Variants in GDI2 observed in about 807,000 individuals in gnomAD.
GDI2 encodes the protein rab GDP dissociation inhibitor beta.
A neutral mutation model predicts 54.2 loss-of-function variants in GDI2; 22 were observed. The observed-to-expected ratio is 0.41, with a 90% confidence interval of 0.29 to 0.58. The LOEUF (loss-of-function observed/expected upper bound fraction) is 0.58. GDI2 is among the 20% of genes least tolerant of loss of function. GDI2 has a pLI of 0.35. For synonymous variants in GDI2, 177 were observed against 182.1 expected (o/e 0.97, Z 0.23); for missense variants, 422 against 546.0 (o/e 0.77, Z 2.26).
chr10:5,796,810 C>A lies in GDI2; in HGVS notation c.206G>T (p.Gly69Val). 1 of 1,595,426 alleles carries A rather than the reference C, an allele frequency of 6.3e-7. No individual in the cohort carries two copies. Among genetic ancestry groups the A allele is most frequent in the Non-Finnish European group, 8.6e-7 (1 of 1,163,492 alleles). Residue 69 changes from glycine (G) to valine (V), a missense_variant, in exon 3 of 11, where the codon GGA (glycine) becomes GTA (valine). Gly to Val is a moderately radical substitution (Grantham distance 109, BLOSUM62 -3). Coordinates refer to ENST00000380191, the MANE Select transcript of GDI2 (RefSeq NM_001494.4). ...AATCAAGTCAACATTCCAGTCTCTT[C>A]CTCTCCCCATTGACTCGGGTGGTGA... ...PGSPPESMGR[G>V]RDWNVDLIPK...
In GDI2 at chr10:5,766,226, C is replaced by T. The variant is rs757573031; in HGVS notation, c.1191+15G>A. ...AGTGAAACCTGCCCATATCCTTTCACACTTCCATACTCACCTGGCTTTCTG... is the reference window on the plus strand; with the variant it reads ...AGTGAAACCTGCCCATATCCTTTCATACTTCCATACTCACCTGGCTTTCTG... On this transcript the variant is annotated intron_variant, in intron 10 of 10. Coordinates refer to ENST00000380191, the MANE Select transcript of GDI2 (RefSeq NM_001494.4). The surrounding 1 kb of genome is among the most constrained non-coding windows in gnomAD (Gnocchi z 5.8). The T allele has an allele frequency of 3.1e-6, 5 of 1,612,402 alleles. No homozygotes were observed. The South Asian group carries it at 5.5e-5, about 18-fold the overall frequency.
chr10:5,804,386 G>C (rs867214712), intron 1 of GDI2, among the ~76,000 whole-genome samples: 1 of 152,002 alleles, frequency 6.6e-6, no homozygotes, highest in Non-Finnish European at 1.5e-5. Context: ...GAACCACTAC[G>C]CCCAGCCTGA....
chr10:5,785,258 CG>C lies in GDI2; in HGVS notation c.602del (p.Pro201ArgfsTer41). ...TAATTCTATTAATGGTTTCATAACA[CG>C]GTTGATCTAAGTAACTGGAAGAAAG... ...LYRTDDYLDQ[P>X]CYETINRIKL... On this transcript the variant is annotated frameshift_variant, in exon 6 of 11. Transcript: ENST00000380191. LOFTEE classifies it high-confidence loss of function. The C allele has an allele frequency of 6.3e-7, 1 of 1,597,740 alleles. No individual in the cohort carries two copies. Among genetic ancestry groups the C allele is most frequent in the Non-Finnish European group, 8.6e-7 (1 of 1,167,260 alleles).
chr10:5,801,897 G>C (rs911681759), intron 1 of GDI2, among the ~76,000 whole-genome samples: 2 of 150,690 alleles, frequency 1.3e-5, no homozygotes, highest in African/African-American at 4.9e-5. Context: ...TGTAATTCCA[G>C]CAACTCAGGA....
chr10:5,813,432 A>C lies in GDI2; in HGVS notation c.-174T>G. On this transcript the variant is annotated 5_prime_UTR_variant, in exon 1 of 11. Coordinates refer to ENST00000380191, the MANE Select transcript of GDI2 (RefSeq NM_001494.4). Reference sequence around the variant, plus strand: ...CGCCACCTCAGACGGGAAGAGAAGAACTGGGCGGGGAGAGGAGGGGAGGGA... The same window carrying C: ...CGCCACCTCAGACGGGAAGAGAAGACCTGGGCGGGGAGAGGAGGGGAGGGA... 1.3e-4 allele frequency: 39 copies of C among 302,192 alleles called. No individual in the cohort carries two copies. The highest frequency in any genetic ancestry group is 3.5e-4 in the East Asian group (3 of 8,458). The allele number at this position is 302,192 out of a possible 1,614,324, so 18.7% of individuals were successfully genotyped here. A position where few individuals can be genotyped will look rare whatever the true frequency, so the allele number is the denominator to read the frequency against.
intron 7 of GDI2, among the ~76,000 whole-genome samples, chr10:5,770,070 C>A (rs1407676628): frequency 6.6e-6 from 1 of 152,204 alleles, no homozygotes; most frequent in Admixed American, 6.5e-5. Flanking sequence ...AATTCTGACA[C>A]ATGCTACAAC....
chr10:5,786,086 C>A (rs764972291), intron 4 of GDI2, 36 bp from the exon 5 acceptor site: 1 of 1,386,434 alleles, frequency 7.2e-7, no homozygotes, highest in Non-Finnish European at 1.0e-6. Flanking sequence ...AGCACACTCA[C>A]AATCAGACAT....
intron 6 of GDI2, among the ~76,000 whole-genome samples, chr10:5,780,202 G>A (rs1291103806): frequency 4.2e-5 from 6 of 143,318 alleles, no homozygotes; most frequent in Non-Finnish European, 7.6e-5. Context: ...GAGTAAGATC[G>A]TGTCTCCAAA....
chr10:5,785,564 G>T (rs1269241968), intron 5 of GDI2, among the ~76,000 whole-genome samples: 1 of 151,880 alleles, frequency 6.6e-6, no homozygotes, highest in Non-Finnish European at 1.5e-5. Flanking sequence ...TTAGTAGAGA[G>T]GGGGTTTCAC....
In GDI2 at chr10:5,766,419, A is replaced by T. The variant is rs1840335589; in HGVS notation, c.1136+75T>A. The T allele has an allele frequency of 6.4e-7, 1 of 1,557,786 alleles. No individual in the cohort carries two copies. ...GCCAGCAGCTACCTGCCTTGCCCTC[A>T]CATTCGTCCCACCATGGAGCCACAA... is the stretch of plus-strand genomic sequence containing the variant. On this transcript the variant is annotated intron_variant, in intron 9 of 10. Coordinates refer to ENST00000380191, the MANE Select transcript of GDI2 (RefSeq NM_001494.4). The surrounding 1 kb of genome is among the most constrained non-coding windows in gnomAD (Gnocchi z 5.8).
chr10:5,786,910 G>A (rs1372682255), intron 4 of GDI2, among the ~76,000 whole-genome samples: 1 of 152,090 alleles, frequency 6.6e-6, no homozygotes, highest in African/African-American at 2.4e-5. Context: ...CAACCAATTC[G>A]CTGCATTTTA....
rs2131686331 is a variant in GDI2 at position 5,774,962 on chromosome 10, C to T, written c.720-1021G>A. 6.6e-6 allele frequency among the ~76,000 whole-genome samples: 1 copy of T among 152,258 alleles called. No individual in the cohort carries two copies. Among genetic ancestry groups the T allele is most frequent in the Non-Finnish European group, 1.5e-5 (1 of 68,026 alleles). ...CAGTAATAGCTATATTAGTCTAATC[C>T]TCTGGCATATAAATAAAACTATGGA... On this transcript the variant is annotated intron_variant, in intron 6 of 10. Coordinates refer to ENST00000380191, the MANE Select transcript of GDI2 (RefSeq NM_001494.4). This position sits in a 1 kb window ranked among gnomAD's most constrained non-coding sequence, Gnocchi z 4.8.
intron 4 of GDI2, among the ~76,000 whole-genome samples, chr10:5,788,349 T>C (rs1840923622): frequency 6.6e-6 from 1 of 152,198 alleles, no homozygotes; most frequent in Middle Eastern, 3.2e-3. Flanking sequence ...TGCTGATGCC[T>C]TCCCAGATCA....
intron 6 of GDI2, among the ~76,000 whole-genome samples, chr10:5,782,050 G>A (rs900254313): frequency 2.0e-5 from 3 of 152,146 alleles, no homozygotes; most frequent in East Asian, 1.9e-4. Context: ...CAAAAGACCA[G>A]CCATAAACTG....
Position 5,768,401 on chromosome 10 carries a change from A to T in GDI2, c.820-17T>A. ...GCGAGCAATCTATAACAAAGCATTT[A>T]AGAAGACACTGAAGCGGACAAGGAT... On this transcript the variant is annotated splice_polypyrimidine_tract_variant and intron_variant, in intron 7 of 10. Transcript: ENST00000380191. The surrounding 1 kb of genome is among the most constrained non-coding windows in gnomAD (Gnocchi z 4.4). 6.4e-7 allele frequency: 1 copy of T among 1,551,670 alleles called. No individual in the cohort carries two copies. The highest frequency in any genetic ancestry group is 8.9e-7 in the Non-Finnish European group (1 of 1,123,360).
Position 5,800,575 on chromosome 10 carries a change from T to C in GDI2, c.153+23A>G, listed in dbSNP as rs1175219296. 3 of 1,009,916 alleles carry C rather than the reference T, an allele frequency of 3.0e-6. No homozygotes were observed. The East Asian group carries it at 7.1e-5, about 24-fold the overall frequency. The allele number at this position is 1,009,916 out of a possible 1,614,324, so 62.6% of individuals were successfully genotyped here. ...AAATACTCACAAAGTGTGAGAGGCGTATGAAATTTGACTAACACTTACATC... is the reference window on the plus strand; with the variant it reads ...AAATACTCACAAAGTGTGAGAGGCGCATGAAATTTGACTAACACTTACATC... On this transcript the variant is annotated intron_variant, in intron 2 of 10. Transcript: ENST00000380191.
intron 7 of GDI2, among the ~76,000 whole-genome samples, chr10:5,772,020 G>A (rs766028736): frequency 2.0e-5 from 3 of 152,084 alleles, no homozygotes; most frequent in Non-Finnish European, 4.4e-5. Flanking sequence ...AACCCGGAAG[G>A]CAGAAGTTGC....
At chr10:5,786,166 T>A in intron 4 of GDI2, 116 bp from the exon 5 acceptor site, 3 of 141,346 alleles carry the variant, frequency 2.1e-5, no homozygotes, top group South Asian at 1.1e-4. Flanking sequence ...CAGGATGCAA[T>A]TTTTTTTTTT....
In GDI2 at chr10:5,802,120, C is replaced by G. The variant is rs114213363; in HGVS notation, c.46-1415G>C. Among the ~76,000 whole-genome samples the G allele has an allele frequency of 5.6e-3, 856 of 152,238 alleles. 11 individuals are homozygous for G. The highest frequency in any genetic ancestry group is 0.02 in the African/African-American group (821 of 41,544). ...AGACAGCACTTCAGCTCAGGGAAAA[C>G]CTGTGCCACTGATCTGTAAGCTGAA... On this transcript the variant is annotated intron_variant, in intron 1 of 10. Transcript: ENST00000380191.
Sources: gnomAD v4.1 joint callset for allele counts (sites outside exome capture counted in the v4.1 genomes callset) on GRCh38, gnomAD v4.1.1 for gene constraint, Gnocchi (gnomAD v3.1) non-coding constraint, MANE v1.5 for transcripts, NCBI Gene and HGNC (gene_info 2026-07-23, HGNC 2026-07-21) for gene names.